The following GRID2 variants were observed in gnomAD, a reference collection of about 807,000 sequenced individuals.
GRID2 encodes glutamate ionotropic receptor delta type subunit 2, also known as glutamate receptor ionotropic, delta-2.
A neutral mutation model predicts 114.8 loss-of-function variants in GRID2; 33 were observed. That is an observed-to-expected ratio of 0.29 (90% confidence interval 0.22 to 0.38). GRID2 has a LOEUF of 0.38. Among genes scored for constraint, GRID2 ranks in the 10% least tolerant of loss-of-function variants. The pLI, the probability that GRID2 is intolerant of heterozygous loss-of-function variation, is 1.00. For synonymous variants in GRID2, 505 were observed against 449.9 expected, an observed-to-expected ratio of 1.12 and a Z score of -1.55; for missense variants, 1,184 against 1,257.7, an observed-to-expected ratio of 0.94 and a Z score of 0.89.
chr4:93,150,376 C>A (rs1023745140), intron 4 of GRID2, among the ~76,000 whole-genome samples: 1 of 152,036 alleles, frequency 6.6e-6, no homozygotes, highest in Non-Finnish European at 1.5e-5. Flanking sequence ...ATACACAAAA[C>A]ACAGGCAATA....
chr4:93,370,276 G>A (rs1762738239), intron 8 of GRID2, among the ~76,000 whole-genome samples: 1 of 151,994 alleles, frequency 6.6e-6, no homozygotes, highest in African/African-American at 2.4e-5. Context: ...CTGGTTTTAA[G>A]AGCATGCAAT....
At chr4:93,602,430 A>G (rs1739771240) in intron 13 of GRID2, among the ~76,000 whole-genome samples, 1 of 152,230 alleles carries the variant, frequency 6.6e-6, no homozygotes, top group Non-Finnish European at 1.5e-5. Flanking sequence ...GCAGCCCTGC[A>G]TCAAGCAAGT....
At chr4:92,604,273 G>A (rs1015296322) in intron 2 of GRID2, among the ~76,000 whole-genome samples, 1 of 152,042 alleles carries the variant, frequency 6.6e-6, no homozygotes, top group Non-Finnish European at 1.5e-5. Flanking sequence ...CAATAGCAAA[G>A]ACATAGAATC....
chr4:93,131,421 G>A (rs1254228064), intron 4 of GRID2, among the ~76,000 whole-genome samples: 3 of 151,328 alleles, frequency 2.0e-5, no homozygotes, highest in African/African-American at 7.3e-5. Context: ...CAAAGTGCTG[G>A]GATTACAAGC....
chr4:92,402,177 C>A (rs1039455870), intron 1 of GRID2, among the ~76,000 whole-genome samples: 1 of 152,112 alleles, frequency 6.6e-6, no homozygotes, highest in African/African-American at 2.4e-5. Flanking sequence ...TTCTAGTTCT[C>A]TTGCTATTTA....
chr4:93,453,257 T>C (rs769254527), intron 10 of GRID2, among the ~76,000 whole-genome samples: 30 of 150,698 alleles, frequency 2.0e-4, no homozygotes, highest in Non-Finnish European at 4.0e-4. Context: ...GTATCATTGA[T>C]TCTGAAGGAT....
intron 1 of GRID2, among the ~76,000 whole-genome samples, chr4:92,349,350 C>T (rs1000032391): frequency 4.0e-5 from 6 of 151,730 alleles, no homozygotes; most frequent in Non-Finnish European, 7.4e-5. Context: ...TGAGTATGCA[C>T]GTGATCAATT....
At chr4:93,359,995 T>A (rs541940047) in intron 8 of GRID2, among the ~76,000 whole-genome samples, 1 of 144,552 alleles carries the variant, frequency 6.9e-6, no homozygotes, top group African/African-American at 2.8e-5. Context: ...ATCTGTTCCA[T>A]ATTACCTTTG....
intron 2 of GRID2, among the ~76,000 whole-genome samples, chr4:92,915,896 C>A (rs1405475510): frequency 1.3e-5 from 2 of 152,024 alleles, no homozygotes; most frequent in Non-Finnish European, 2.9e-5. Flanking sequence ...GTCCTTTGCC[C>A]AATTTTTAAT....
chr4:93,436,767 T>G (rs1214193187), intron 10 of GRID2, among the ~76,000 whole-genome samples: 1 of 151,988 alleles, frequency 6.6e-6, no homozygotes, highest in Admixed American at 6.6e-5. Context: ...CACTGCTACA[T>G]GAAGTAAAAA....
chr4:93,076,610 C>CT lies in GRID2; in HGVS notation c.245-8361dup, dbSNP rs56357327. ...GACCTTCTTCAAAATTCACCAACCT[C>CT]TTTTTTTTTTTTTTTTTTTTTTTTA... On this transcript the variant is annotated intron_variant, in intron 2 of 15. Coordinates refer to ENST00000282020, the MANE Select transcript of GRID2 (RefSeq NM_001510.4). 9.6e-3 allele frequency among the ~76,000 whole-genome samples: 932 copies of CT among 96,974 alleles called. 17 individuals carry two copies. The highest frequency in any genetic ancestry group is 0.021 in the African/African-American group (482 of 23,084). 63.6% of individuals were successfully genotyped at this position (96,974 alleles called of 152,430 possible).
At chr4:92,591,774 G>T (rs1326876241) in intron 2 of GRID2, among the ~76,000 whole-genome samples, 1 of 151,954 alleles carries the variant, frequency 6.6e-6, no homozygotes, top group African/African-American at 2.4e-5. Context: ...CCTTGTTAAT[G>T]GAATGGAGTA....
intron 2 of GRID2, among the ~76,000 whole-genome samples, chr4:92,662,934 A>G (rs1370142791): frequency 1.3e-5 from 2 of 151,130 alleles, no homozygotes; most frequent in East Asian, 3.9e-4. Context: ...CTAATTGTGA[A>G]GTCAAAACTA....
intron 2 of GRID2, among the ~76,000 whole-genome samples, chr4:92,594,090 G>A (rs1397781251): frequency 6.6e-6 from 1 of 151,566 alleles, no homozygotes; most frequent in Non-Finnish European, 1.5e-5. Context: ...CCATGCTTGT[G>A]TGTAGCAGAA....
intron 1 of GRID2, among the ~76,000 whole-genome samples, chr4:92,318,290 G>GTGTGTA (rs369526929): frequency 2.9e-5 from 3 of 104,130 alleles, no homozygotes; most frequent in Non-Finnish European, 4.0e-5. Flanking sequence ...ATATATGTGT[G>GTGTGTA]TATATATATA....
chr4:93,730,438 A>G (rs563930210), intron 14 of GRID2, among the ~76,000 whole-genome samples: 61 of 152,224 alleles, frequency 4.0e-4, no homozygotes, highest in African/African-American at 1.4e-3. Context: ...CTAAGCTGCC[A>G]GGTCTCAGAG....
chr4:93,751,766 G>A (rs1578735027), intron 14 of GRID2, among the ~76,000 whole-genome samples: 1 of 152,076 alleles, frequency 6.6e-6, no homozygotes, highest in Admixed American at 6.6e-5. Context: ...TGTGCTAAAG[G>A]GTGATACTGA....
intron 2 of GRID2, among the ~76,000 whole-genome samples, chr4:92,870,255 G>A (rs1380690856): frequency 6.7e-6 from 1 of 149,738 alleles, no homozygotes; most frequent in South Asian, 2.1e-4. Flanking sequence ...AATATATTAA[G>A]TACATTATAC....
At chr4:93,066,550 G>A (rs1728313080) in intron 2 of GRID2, among the ~76,000 whole-genome samples, 1 of 151,894 alleles carries the variant, frequency 6.6e-6, no homozygotes, top group African/African-American at 2.4e-5. Flanking sequence ...ACTTCTGGTA[G>A]ACGACTGAAA....
Sources: allele counts gnomAD v4.1 joint callset (sites outside exome capture counted in the v4.1 genomes callset), GRCh38; gene constraint gnomAD v4.1.1; transcripts MANE v1.5; gene names NCBI Gene and HGNC (gene_info 2026-07-23, HGNC 2026-07-21).